ELP3: variants seen among roughly 807,000 people sequenced by gnomAD.
ELP3 encodes elongator complex protein 3.
A neutral mutation model predicts 74.9 loss-of-function variants in ELP3; 56 were observed. The ratio of observed to expected loss-of-function variants is 0.75; its 90% CI spans 0.60 to 0.93. The LOEUF is 0.93. Among genes scored for constraint, ELP3 ranks in the 40% least tolerant of loss-of-function variants. The pLI, the probability that ELP3 is intolerant of heterozygous loss-of-function variation, is 0.00. For synonymous variants in ELP3, 222 were observed against 239.8 expected (o/e 0.93, Z 0.68); for missense variants, 573 against 686.5 (o/e 0.83, Z 1.85).
intron 3 of ELP3, among the ~76,000 whole-genome samples, chr8:28,100,229 CA>C (rs1811422566): frequency 6.6e-6 from 1 of 152,188 alleles, no homozygotes; most frequent in African/African-American, 2.4e-5. Context: ...ACAATCATAA[CA>C]GGATAAATGT....
At chr8:28,182,312 C>T (rs144410513) in intron 14 of ELP3, among the ~76,000 whole-genome samples, 63 of 152,280 alleles carry the variant, frequency 4.1e-4, no homozygotes, top group Non-Finnish European at 1.8e-4. Context: ...GTAATCCCAG[C>T]ACGTTGGGAG....
intron 3 of ELP3, among the ~76,000 whole-genome samples, chr8:28,101,575 A>T (rs561453324): frequency 6.7e-6 from 1 of 148,732 alleles, no homozygotes; most frequent in East Asian, 2.0e-4. Context: ...TACATAATAG[A>T]TAAGTCTTGA....
At chr8:28,175,502 T>C (rs1196438543) in intron 14 of ELP3, among the ~76,000 whole-genome samples, 1 of 152,230 alleles carries the variant, frequency 6.6e-6, no homozygotes, top group African/African-American at 2.4e-5. Flanking sequence ...TTGACATTCC[T>C]TTTTGATAGT....
chr8:28,105,246 C>G (rs184128314), intron 3 of ELP3, among the ~76,000 whole-genome samples: 1 of 151,990 alleles, frequency 6.6e-6, no homozygotes, highest in Non-Finnish European at 1.5e-5. Context: ...AAAAATTAGC[C>G]AGGCATGGTG....
At chr8:28,102,459 C>T (rs1026743086) in intron 3 of ELP3, among the ~76,000 whole-genome samples, 1 of 152,100 alleles carries the variant, frequency 6.6e-6, no homozygotes, top group Admixed American at 6.5e-5. Context: ...TTTGTCCTAC[C>T]TACATGAAAT....
intron 14 of ELP3, among the ~76,000 whole-genome samples, chr8:28,178,240 A>G (rs150711552): frequency 7.7e-4 from 118 of 152,304 alleles, no homozygotes; most frequent in African/African-American, 2.7e-3. Flanking sequence ...ATACTATTGC[A>G]TTGGGGATTA....
Position 28,162,189 on chromosome 8 carries a change from T to C in ELP3, c.1567+111T>C, listed in dbSNP as rs965166501. ...CTGTTGATGGTTATTACGTTCAAAA[T>C]TGAGCTGAGCTGACTGGCGAAGGAC... On this transcript the variant is annotated intron_variant, in intron 14 of 14. Transcript: ENST00000256398. 97 of 1,113,504 alleles carry C rather than the reference T, an allele frequency of 8.7e-5. No homozygotes were observed. The African/African-American group carries it at 1.4e-3, about 16-fold the overall frequency. 69.0% of individuals were successfully genotyped at this position (1,113,504 alleles called of 1,614,324 possible).
intron 11 of ELP3, among the ~76,000 whole-genome samples, chr8:28,157,717 A>G (rs552718791): frequency 6.6e-6 from 1 of 152,314 alleles, no homozygotes; most frequent in East Asian, 1.9e-4. Flanking sequence ...GAAATATACC[A>G]TAAGATATAT....
chr8:28,093,185 C>T lies in ELP3; in HGVS notation c.-30C>T, dbSNP rs1811110717. 2.5e-6 allele frequency: 4 copies of T among 1,611,512 alleles called. No homozygotes were observed. The highest frequency in any genetic ancestry group is 1.7e-5 in the Admixed American group (1 of 59,584). On this transcript the variant is annotated 5_prime_UTR_variant, in exon 1 of 15. Coordinates refer to ENST00000256398, the MANE Select transcript of ELP3 (RefSeq NM_018091.6). Reference sequence around the variant, plus strand: ...TCTGAGTTTGTGGCTGCATTTTTATCTCTGGTGGCTCTGCTACGGCGGCGC... The same window carrying T: ...TCTGAGTTTGTGGCTGCATTTTTATTTCTGGTGGCTCTGCTACGGCGGCGC...
intron 7 of ELP3, chr8:28,113,783 C>A (rs985313645): frequency 6.6e-6 from 1 of 152,138 alleles, no homozygotes; most frequent in Non-Finnish European, 1.5e-5. Context: ...AAAAGCGGAC[C>A]AATTCACCCT....
chr8:28,101,380 A>G (rs1475047733), intron 3 of ELP3, among the ~76,000 whole-genome samples: 1 of 152,090 alleles, frequency 6.6e-6, no homozygotes, highest in Non-Finnish European at 1.5e-5. Flanking sequence ...AGATCATGCC[A>G]CTGCACTCCA....
Position 28,099,283 on chromosome 8 carries a change from A to ATTG in ELP3, c.120-533_120-531dup, listed in dbSNP as rs200719162. Among the ~76,000 whole-genome samples, 670 of 151,566 alleles carry ATTG rather than the reference A, an allele frequency of 4.4e-3. 1 individual carries two copies. Among genetic ancestry groups the ATTG allele is most frequent in the Admixed American group, 8.2e-3 (125 of 15,266 alleles). On this transcript the variant is annotated intron_variant, in intron 2 of 14. Coordinates refer to ENST00000256398, the MANE Select transcript of ELP3 (RefSeq NM_018091.6). ...ATAGCCATCCTTGATTTTTTTTTTAATTGTTGTTGTTGTTTTGTCTAAGAC... is the reference window on the plus strand; with the variant it reads ...ATAGCCATCCTTGATTTTTTTTTTAATTGTTGTTGTTGTTGTTTTGTCTAAGAC...
At chr8:28,135,569 C>T (rs1421500808) in intron 9 of ELP3, among the ~76,000 whole-genome samples, 1 of 152,154 alleles carries the variant, frequency 6.6e-6, no homozygotes, top group Non-Finnish European at 1.5e-5. Flanking sequence ...TTCCTTTGTA[C>T]CTGGAATCTC....
intron 10 of ELP3, among the ~76,000 whole-genome samples, chr8:28,139,904 C>T (rs978128067): frequency 6.6e-6 from 1 of 152,106 alleles, no homozygotes; most frequent in African/African-American, 2.4e-5. Context: ...GAGATCATGC[C>T]ATTGCATTCC....
chr8:28,159,987 T>G (rs948463818), intron 12 of ELP3, among the ~76,000 whole-genome samples: 2 of 152,214 alleles, frequency 1.3e-5, no homozygotes, highest in African/African-American at 4.8e-5. Flanking sequence ...AGTCTCAAGG[T>G]TAATGAAGTT....
At chr8:28,094,722 A>T (rs1811185852) in intron 1 of ELP3, among the ~76,000 whole-genome samples, 1 of 151,874 alleles carries the variant, frequency 6.6e-6, no homozygotes, top group South Asian at 2.1e-4. Flanking sequence ...AGCCTGGGTG[A>T]CCGAGCAAGA....
intron 4 of ELP3, 131 bp downstream of exon 4, chr8:28,106,914 C>G: frequency 1.6e-6 from 1 of 636,098 alleles, no homozygotes; most frequent in Non-Finnish European, 2.7e-6. Context: ...TTACTCCTTT[C>G]AAACAAGCAA....
At chr8:28,153,428 A>G (rs79070936) in intron 10 of ELP3, among the ~76,000 whole-genome samples, 1 of 152,338 alleles carries the variant, frequency 6.6e-6, no homozygotes, top group East Asian at 1.9e-4. Context: ...TGCTGTTTAG[A>G]AATTAGAACA....
intron 14 of ELP3, among the ~76,000 whole-genome samples, chr8:28,183,888 C>T (rs1188931100): frequency 4.6e-5 from 7 of 152,326 alleles, no homozygotes; most frequent in Non-Finnish European, 8.8e-5. Context: ...TCTCCTCTGG[C>T]GGAGGCAGAG....
Sources: allele counts gnomAD v4.1 joint callset (sites outside exome capture counted in the v4.1 genomes callset), GRCh38; gene constraint gnomAD v4.1.1; transcripts MANE v1.5; gene names NCBI Gene and HGNC (gene_info 2026-07-23, HGNC 2026-07-21).